NEDD9: variants seen among roughly 807,000 people sequenced by gnomAD.
NEDD9 encodes enhancer of filamentation 1.
Under a neutral mutation model 76.6 loss-of-function variants are expected in NEDD9, and 26 were observed. The ratio of observed to expected loss-of-function variants is 0.34; its 90% CI spans 0.25 to 0.47. The LOEUF is 0.47. NEDD9 is among the 20% of genes least tolerant of loss of function. The probability of loss-of-function intolerance (pLI) is 1.00; values close to 1 mark genes in which losing one functional copy is unlikely to be tolerated. For missense variants in NEDD9, 937 were observed against 1,058.5 expected (o/e 0.89, Z 1.59); for synonymous variants, 392 against 414.2 (o/e 0.95, Z 0.65).
At chr6:11,223,506 C>CA (rs961415827) in intron 1 of NEDD9, among the ~76,000 whole-genome samples, 6 of 150,542 alleles carry the variant, frequency 4.0e-5, no homozygotes, top group African/African-American at 1.5e-4. Flanking sequence ...ACCAACAAAA[C>CA]AAAAAACCCA....
intron 1 of NEDD9, 47 bp downstream of exon 1, chr6:11,232,457 G>C: frequency 6.2e-7 from 1 of 1,611,362 alleles, no homozygotes; most frequent in Non-Finnish European, 8.5e-7. Flanking sequence ...ACACCCGCAG[G>C]CACAGCTTTC....
chr6:11,268,804 A>G (rs1056891195), intron 3 of NEDD9, among the ~76,000 whole-genome samples: 2 of 152,096 alleles, frequency 1.3e-5, no homozygotes, highest in Admixed American at 6.6e-5. Flanking sequence ...CTAAATTTAT[A>G]TTTATTTCAA....
upstream of NEDD9, among the ~76,000 whole-genome samples, chr6:11,233,761 G>A (rs1215651763): frequency 3.9e-5 from 6 of 152,316 alleles, no homozygotes; most frequent in Admixed American, 3.9e-4. Flanking sequence ...GGACAGAGCA[G>A]TGAGGCGAAA....
intron 2 of NEDD9, among the ~76,000 whole-genome samples, chr6:11,319,044 T>G (rs1211166136): frequency 6.6e-6 from 1 of 152,248 alleles, no homozygotes; most frequent in Non-Finnish European, 1.5e-5. Context: ...TCTGCCTTGT[T>G]TTTATAATGC....
upstream of NEDD9, among the ~76,000 whole-genome samples, chr6:11,237,637 TA>T (rs549281518): frequency 1.2e-3 from 183 of 152,292 alleles, 1 homozygote; most frequent in African/African-American, 4.3e-3. This position sits in a 1 kb window ranked among gnomAD's most constrained non-coding sequence, Gnocchi z 4.9. Flanking sequence ...AATAAAATTT[TA>T]TTGGAACACA....
At chr6:11,340,849 T>C (rs535735931) in intron 1 of NEDD9, among the ~76,000 whole-genome samples, 3 of 152,222 alleles carry the variant, frequency 2.0e-5, no homozygotes, top group Non-Finnish European at 4.4e-5. Context: ...CAATGACTTT[T>C]CATCTCACTA....
intron 3 of NEDD9, among the ~76,000 whole-genome samples, chr6:11,260,327 G>A (rs561553359): frequency 1.8e-4 from 28 of 152,324 alleles, no homozygotes; most frequent in African/African-American, 6.5e-4. Flanking sequence ...CAGCATTACA[G>A]TGAGGTGGTT....
At chr6:11,350,853 G>A (rs1229780535) in intron 1 of NEDD9, among the ~76,000 whole-genome samples, 1 of 152,174 alleles carries the variant, frequency 6.6e-6, no homozygotes, top group Non-Finnish European at 1.5e-5. Flanking sequence ...ATGTCAGGGA[G>A]TGTCAACCAG....
At chr6:11,375,061 G>C (rs974825321) in intron 1 of NEDD9, among the ~76,000 whole-genome samples, 1 of 152,198 alleles carries the variant, frequency 6.6e-6, no homozygotes, top group Admixed American at 6.5e-5. Context: ...GTTTGTGCAT[G>C]AAACAGGGAT....
chr6:11,232,706 C>G, upstream of NEDD9: 1 of 1,439,130 alleles, frequency 6.9e-7, no homozygotes, highest in Non-Finnish European at 9.1e-7. Context: ...TGATCGCGGA[C>G]CTCATTTGCA....
chr6:11,216,464 A>G (rs1177560889), intron 1 of NEDD9, among the ~76,000 whole-genome samples: 1 of 152,108 alleles, frequency 6.6e-6, no homozygotes, highest in African/African-American at 2.4e-5. Context: ...CCAAGACCAC[A>G]CTATTGGCAG....
intron 3 of NEDD9, among the ~76,000 whole-genome samples, chr6:11,238,452 G>A (rs1759651778): frequency 6.6e-6 from 1 of 152,196 alleles, no homozygotes; most frequent in African/African-American, 2.4e-5. Flanking sequence ...CCACCCTCGT[G>A]GGACTAAGCT....
upstream of NEDD9, among the ~76,000 whole-genome samples, chr6:11,237,038 C>T (rs1581976885): frequency 6.6e-6 from 1 of 152,182 alleles, no homozygotes; most frequent in African/African-American, 2.4e-5. The surrounding 1 kb of genome is among the most constrained non-coding windows in gnomAD (Gnocchi z 4.9). Context: ...AATGACCCCC[C>T]TTCACTCTTC....
At chr6:11,295,569 G>A (rs1760871139) in intron 3 of NEDD9, among the ~76,000 whole-genome samples, 1 of 152,144 alleles carries the variant, frequency 6.6e-6, no homozygotes, top group African/African-American at 2.4e-5. Context: ...CCCAGCTGAG[G>A]CACAGCACAC....
At chr6:11,243,450 GGGCCT>G (rs1430492279) in intron 3 of NEDD9, among the ~76,000 whole-genome samples, 1 of 152,168 alleles carries the variant, frequency 6.6e-6, no homozygotes, top group Non-Finnish European at 1.5e-5. Flanking sequence ...ACCTGTTGGT[GGGCCT>G]GTCCAGTGTG....
intron 2 of NEDD9, among the ~76,000 whole-genome samples, chr6:11,319,038 C>A (rs749896868): frequency 6.6e-6 from 1 of 152,224 alleles, no homozygotes; most frequent in African/African-American, 2.4e-5. Context: ...TATGTTTCTG[C>A]CTTGTTTTTA....
chr6:11,291,126 G>A (rs1760751697), intron 3 of NEDD9, among the ~76,000 whole-genome samples: 1 of 152,122 alleles, frequency 6.6e-6, no homozygotes, highest in Non-Finnish European at 1.5e-5. Context: ...TGAGAACAGT[G>A]TGTTGTGCTG....
chr6:11,217,778 G>A (rs1054135133), intron 1 of NEDD9, among the ~76,000 whole-genome samples: 1 of 152,214 alleles, frequency 6.6e-6, no homozygotes, highest in Non-Finnish European at 1.5e-5. Context: ...TGCAACACAA[G>A]CTGTGGCTCT....
chr6:11,279,713 G>T (rs1257968626), intron 3 of NEDD9, among the ~76,000 whole-genome samples: 1 of 152,084 alleles, frequency 6.6e-6, no homozygotes, highest in Admixed American at 6.5e-5. Context: ...TGCATTAGTT[G>T]AGAAGCCGGG....
Sources: allele counts gnomAD v4.1 joint callset (sites outside exome capture counted in the v4.1 genomes callset), GRCh38; gene constraint gnomAD v4.1.1; non-coding constraint Gnocchi (gnomAD v3.1); transcripts MANE v1.5; gene names NCBI Gene and HGNC (gene_info 2026-07-23, HGNC 2026-07-21).